ZNF331: variants seen among roughly 807,000 people sequenced by gnomAD.
The protein encoded by ZNF331 is zinc finger protein 331, also known as C2H2-like zinc finger protein rearranged in thyroid adenomas.
In ZNF331, 2 loss-of-function variants were observed where a neutral mutation model predicts 7.0. The observed-to-expected ratio is 0.29, with a 90% CI of 0.12 to 0.90. The LOEUF is 0.90. ZNF331 is among the 40% of genes least tolerant of loss of function. The pLI, the probability that ZNF331 is intolerant of heterozygous loss-of-function variation, is 0.58. For missense variants in ZNF331, 432 were observed against 587.7 expected, an observed-to-expected ratio of 0.74 and a Z score of 2.74; for synonymous variants, 196 against 205.4, an observed-to-expected ratio of 0.95 and a Z score of 0.39.
chr19:53,511,245 T>G, the ZNF331 span, among the ~76,000 whole-genome samples: 1 of 152,168 alleles, frequency 6.6e-6, no homozygotes, highest in Admixed American at 6.5e-5. Context: ...TCTCATACTA[T>G]ACAATATGGA....
chr19:53,543,339 A>G (rs2088315025), intron 2 of ZNF331, among the ~76,000 whole-genome samples: 1 of 152,098 alleles, frequency 6.6e-6, no homozygotes, highest in African/African-American at 2.4e-5. Context: ...ATCTTGGTTC[A>G]CTGAACCTCC....
At chr19:53,514,207 G>GTT in the ZNF331 span, among the ~76,000 whole-genome samples, 7 of 149,718 alleles carry the variant, frequency 4.7e-5, no homozygotes, top group Admixed American at 1.3e-4. Context: ...TTTTTTCTCT[G>GTT]TTTTTTTTTG....
chr19:53,577,902 T>C lies in ZNF331; in HGVS notation c.1342T>C (p.Cys448Arg), dbSNP rs772573398. ...CGAATGTAAGGAGTGCGGGAAGGCA[T>C]GTAACCACCTAAACCATCTCCGAGA... ...SYECKECGKACNHLNHLREHQ... is the reference protein window; with the variant it reads ...SYECKECGKARNHLNHLREHQ... Residue 448 changes from cysteine to arginine, a missense_variant, in exon 6 of 6, where the codon TGT (cysteine) becomes CGT (arginine). This residue lies in a region of ZNF331 where 312 missense variants were observed against 448.6 expected (regional missense o/e 0.70). Transcript: ENST00000449416. 5 of 1,613,638 alleles carry C rather than the reference T, an allele frequency of 3.1e-6. No individual in the cohort carries two copies. In the South Asian group the frequency reaches 3.3e-5, roughly 11 times the overall value.
chr19:53,555,613 C>T (rs1431314763), intron 2 of ZNF331: 2 of 152,374 alleles, frequency 1.3e-5, no homozygotes, highest in African/African-American at 4.8e-5. Flanking sequence ...GTGCTCTCCA[C>T]TCAGGGCGCC....
intron 3 of ZNF331, among the ~76,000 whole-genome samples, chr19:53,564,527 C>T (rs563603382): frequency 9.9e-4 from 150 of 152,236 alleles, no homozygotes; most frequent in South Asian, 7.5e-3. Context: ...GTGATCCACC[C>T]GCCTTGGCCT....
intron 3 of ZNF331, among the ~76,000 whole-genome samples, chr19:53,559,423 A>G (rs1443802519): frequency 1.3e-5 from 2 of 150,490 alleles, no homozygotes; most frequent in East Asian, 3.9e-4. Flanking sequence ...TACACATCGT[A>G]CACACACACC....
At chr19:53,530,904 G>A (rs2087513143) in intron 2 of ZNF331, among the ~76,000 whole-genome samples, 1 of 152,134 alleles carries the variant, frequency 6.6e-6, no homozygotes, top group Non-Finnish European at 1.5e-5. Context: ...ACCCATGCAG[G>A]GTGACCATCC....
At chr19:53,565,771 C>T (rs1000302801) in intron 3 of ZNF331, among the ~76,000 whole-genome samples, 9 of 151,962 alleles carry the variant, frequency 5.9e-5, no homozygotes, top group African/African-American at 1.7e-4. Context: ...TCAGGTGATC[C>T]GCCCGCCTCA....
At chr19:53,523,189 C>G (rs1366141390) in intron 2 of ZNF331, 1 of 151,738 alleles carries the variant, frequency 6.6e-6, no homozygotes, top group Non-Finnish European at 1.5e-5. Flanking sequence ...GACATTTAAA[C>G]TCTACTCTCT....
chr19:53,506,408 TCTC>T, the ZNF331 span, among the ~76,000 whole-genome samples: 12 of 107,480 alleles, frequency 1.1e-4, no homozygotes, highest in African/African-American at 5.0e-4. Flanking sequence ...ACACTCTCTC[TCTC>T]CTCTCTCTCT....
intron 1 of ZNF331, among the ~76,000 whole-genome samples, chr19:53,522,375 C>T (rs1414077531): frequency 1.3e-5 from 2 of 151,554 alleles, no homozygotes; most frequent in African/African-American, 4.8e-5. Flanking sequence ...TAGCTGGGAC[C>T]ACAGGCGCAC....
At chr19:53,564,160 T>TA (rs1600439661) in intron 3 of ZNF331, among the ~76,000 whole-genome samples, 1 of 142,860 alleles carries the variant, frequency 7.0e-6, no homozygotes, top group East Asian at 2.2e-4. Context: ...ACCATCCCAC[T>TA]ACTGATCAGC....
intron 2 of ZNF331, among the ~76,000 whole-genome samples, chr19:53,525,937 T>C (rs1335365751): frequency 6.6e-6 from 1 of 152,248 alleles, no homozygotes; most frequent in Non-Finnish European, 1.5e-5. Context: ...CTATATTATA[T>C]TGAGGTACAT....
chr19:53,549,473 T>C (rs1316331999), intron 2 of ZNF331, among the ~76,000 whole-genome samples: 2 of 152,098 alleles, frequency 1.3e-5, no homozygotes, highest in Non-Finnish European at 2.9e-5. Flanking sequence ...TTTTAAAGTG[T>C]GGAAATCACT....
At chr19:53,528,495 T>G (rs1215836486) in intron 2 of ZNF331, among the ~76,000 whole-genome samples, 1 of 152,220 alleles carries the variant, frequency 6.6e-6, no homozygotes, top group Non-Finnish European at 1.5e-5. Flanking sequence ...GATAGCCATA[T>G]CTCATGGTAT....
rs1248034801 is a variant in ZNF331, at chr19:53,578,093, T to C, written c.*141T>C. On this transcript the variant is annotated 3_prime_UTR_variant, in exon 6 of 6. Coordinates refer to ENST00000449416, the MANE Select transcript of ZNF331 (RefSeq NM_001079906.2). ...TTTTAAGTCTCAAATGGTGTGCCCT[T>C]CTGAGTAGCGTGATGAAATCTCTCG... The C allele has an allele frequency of 2.7e-6, 3 of 1,104,084 alleles. No individual in the cohort carries two copies. Among genetic ancestry groups the C allele is most frequent in the South Asian group, 3.4e-5 (2 of 59,332 alleles). The allele number at this position is 1,104,084 out of a possible 1,614,324, so 68.4% of individuals were successfully genotyped here. A position where few individuals can be genotyped will look rare whatever the true frequency, so the allele number is the denominator to read the frequency against.
At chr19:53,549,310 A>C (rs1203163180) in intron 2 of ZNF331, among the ~76,000 whole-genome samples, 1 of 152,168 alleles carries the variant, frequency 6.6e-6, no homozygotes, top group East Asian at 1.9e-4. Context: ...CCAGTATTAT[A>C]ACCGTAATAG....
chr19:53,503,892 C>T, the ZNF331 span: 1 of 671,808 alleles, frequency 1.5e-6, no homozygotes, highest in Non-Finnish European at 2.7e-6. Context: ...TACTGTTCTG[C>T]TGCTGATCAC....
At position 53,571,798 on chromosome 19, in the gene ZNF331, G is replaced by A. The variant is rs2090457270; in HGVS notation, c.136+68G>A. On this transcript the variant is annotated intron_variant, in intron 5 of 5. Coordinates refer to ENST00000449416, the MANE Select transcript of ZNF331 (RefSeq NM_001079906.2). The surrounding 1 kb of genome is among the most constrained non-coding windows in gnomAD (Gnocchi z 4.7). ...ATCCGCTCTCCCCTGTGAATTTCAGGACCGCCTTTCAAGAAACTAGTTGAA... is the reference window on the plus strand; with the variant it reads ...ATCCGCTCTCCCCTGTGAATTTCAGAACCGCCTTTCAAGAAACTAGTTGAA... The A allele has an allele frequency of 4.6e-6, 7 of 1,521,410 alleles. No homozygotes were observed. Among genetic ancestry groups the A allele is most frequent in the Admixed American group, 2.2e-5 (1 of 45,418 alleles). The allele number at this position is 1,521,410 out of a possible 1,614,324, so 94.2% of individuals were successfully genotyped here.
Sources: gnomAD v4.1 joint callset for allele counts (sites outside exome capture counted in the v4.1 genomes callset) on GRCh38, gnomAD v4.1.1 for gene constraint, gnomAD v4.1.1 regional missense constraint, Gnocchi (gnomAD v3.1) non-coding constraint, MANE v1.5 for transcripts, NCBI Gene and HGNC (gene_info 2026-07-23, HGNC 2026-07-21) for gene names.